The following PTCD2 variants were observed in gnomAD, a reference collection of about 807,000 sequenced individuals.
PTCD2 encodes pentatricopeptide repeat domain 2, also known as pentatricopeptide repeat-containing protein 2, mitochondrial.
In PTCD2, 31 loss-of-function variants were observed where a neutral mutation model predicts 42.6. That is an observed-to-expected ratio of 0.73 (90% CI 0.55 to 0.98). The LOEUF (loss-of-function observed/expected upper bound fraction) is 0.98, where lower values mean the gene tolerates loss of function less well. Ranked by LOEUF, PTCD2 falls within the 50% of genes least tolerant of loss-of-function variation. The pLI is 0.00. For synonymous variants in PTCD2, 183 were observed against 170.9 expected, an observed-to-expected ratio of 1.07 and a Z score of -0.55; for missense variants, 476 against 454.8, an observed-to-expected ratio of 1.05 and a Z score of -0.42.
intron 2 of PTCD2, among the ~76,000 whole-genome samples, chr5:72,324,467 C>G (rs1037840676): frequency 1.3e-5 from 2 of 152,190 alleles, no homozygotes; most frequent in Non-Finnish European, 2.9e-5. Flanking sequence ...ACCTGTCATT[C>G]CCAGTTCTGT....
rs919287075 is a variant in PTCD2 at position 72,364,353 on chromosome 5, A to G, written c.*5926A>G. On this transcript the variant is annotated 3_prime_UTR_variant, in exon 10 of 10. Coordinates refer to ENST00000380639, the MANE Select transcript of PTCD2 (RefSeq NM_024754.5). ...TGCAGTTGGGATAAGTGCTAAGTCTAGGGTAATCTTCATATCACCCTGTGG... is the reference window on the plus strand; with the variant it reads ...TGCAGTTGGGATAAGTGCTAAGTCTGGGGTAATCTTCATATCACCCTGTGG... 1.3e-5 allele frequency: 2 copies of G among 152,230 alleles called. No individual in the cohort carries two copies. The highest frequency in any genetic ancestry group is 4.8e-5 in the African/African-American group (2 of 41,464). The allele number at this position is 152,230 out of a possible 1,614,324, so 9.4% of individuals were successfully genotyped here. A position where few individuals can be genotyped will look rare whatever the true frequency, so the allele number is the denominator to read the frequency against.
Position 72,335,877 on chromosome 5 carries a change from T to C in PTCD2, c.631T>C (p.Tyr211His), listed in dbSNP as rs745766255. 6.2e-7 allele frequency: 1 copy of C among 1,603,954 alleles called. No homozygotes were observed. The highest frequency in any genetic ancestry group is 1.1e-5 in the South Asian group (1 of 90,800). The change falls in exon 6 of 10, where the codon TAC becomes CAC. Residue 211 changes from tyrosine (Y) to histidine (H), a missense_variant. Coordinates refer to ENST00000380639, the MANE Select transcript of PTCD2 (RefSeq NM_024754.5). ...CTATGTTCTTGCTTTTGCAATTTGC[T>C]ACAAACTGGTAAGACTCTTTCCTCT... ...DTYVLAFAIC[Y>H]KLNSPESFKI... is the part of the protein sequence containing the mutation.
chr5:72,340,840 C>G (rs1469894494), intron 7 of PTCD2, among the ~76,000 whole-genome samples: 2 of 151,720 alleles, frequency 1.3e-5, no homozygotes, highest in African/African-American at 4.8e-5. Flanking sequence ...AGAAATCTAA[C>G]GCCTGCCTGA....
intron 7 of PTCD2, among the ~76,000 whole-genome samples, 176 bp from the exon 8 acceptor site, chr5:72,342,786 C>T (rs1487350350): frequency 6.6e-6 from 1 of 152,136 alleles, no homozygotes; most frequent in Non-Finnish European, 1.5e-5. Context: ...CAACAATATG[C>T]GACTGGATGG....
At chr5:72,342,453 G>A (rs537812496) in intron 7 of PTCD2, among the ~76,000 whole-genome samples, 23 of 152,284 alleles carry the variant, frequency 1.5e-4, no homozygotes, top group Middle Eastern at 6.8e-3. Flanking sequence ...ATTGTAAATA[G>A]GAATTTAGGT....
intron 3 of PTCD2, among the ~76,000 whole-genome samples, chr5:72,330,760 C>T (rs1751399551): frequency 6.6e-6 from 1 of 152,190 alleles, no homozygotes; most frequent in South Asian, 2.1e-4. Context: ...GTGTACCTTT[C>T]TCAAGCTTAG....
intron 9 of PTCD2, among the ~76,000 whole-genome samples, chr5:72,356,310 A>G (rs1352603495): frequency 1.3e-5 from 2 of 152,220 alleles, no homozygotes; most frequent in Admixed American, 1.3e-4. Flanking sequence ...TATATTGAAA[A>G]ATACTCATAT....
chr5:72,333,267 G>T (rs1349740151), intron 4 of PTCD2, among the ~76,000 whole-genome samples: 1 of 152,120 alleles, frequency 6.6e-6, no homozygotes, highest in African/African-American at 2.4e-5. Context: ...TATCCTTGAG[G>T]CTCCCTCCTT....
At chr5:72,342,429 G>A (rs1463275748) in intron 7 of PTCD2, among the ~76,000 whole-genome samples, 1 of 152,134 alleles carries the variant, frequency 6.6e-6, no homozygotes, top group Non-Finnish European at 1.5e-5. Context: ...CTAGTCCTGC[G>A]CTCTGTTCTC....
chr5:72,360,075 TC>T lies in PTCD2; in HGVS notation c.*1650del, dbSNP rs1753057412. 6.6e-6 allele frequency: 1 copy of T among 152,116 alleles called. No homozygotes were observed. Among genetic ancestry groups the T allele is most frequent in the African/African-American group, 2.4e-5 (1 of 41,426 alleles). The allele number at this position is 152,116 out of a possible 1,614,324, so 9.4% of individuals were successfully genotyped here. On this transcript the variant is annotated 3_prime_UTR_variant, in exon 10 of 10. Transcript: ENST00000380639. ...GGAATTATAAAAACAAATGAGTTCT[TC>T]CTTCTGCTCAAAAATATTGAATTTC...
chr5:72,350,843 G>C (rs1752587383), intron 8 of PTCD2, among the ~76,000 whole-genome samples: 1 of 152,134 alleles, frequency 6.6e-6, no homozygotes, highest in Admixed American at 6.5e-5. Flanking sequence ...ATCTTTGTAA[G>C]GATCAAGAGC....
intron 2 of PTCD2, 53 bp downstream of exon 2, chr5:72,322,317 CTG>C (rs1750906237): frequency 2.7e-6 from 3 of 1,098,516 alleles, no homozygotes; most frequent in Middle Eastern, 4.0e-4. Context: ...TTAAGTTTCT[CTG>C]TCTTTATCCC....
intron 2 of PTCD2, among the ~76,000 whole-genome samples, chr5:72,323,885 A>T (rs1054328636): frequency 1.3e-5 from 2 of 152,132 alleles, no homozygotes; most frequent in Non-Finnish European, 2.9e-5. Context: ...GGCTCAAGCT[A>T]GTATCCCGCC....
rs1262540740 is a variant in PTCD2 at position 72,363,943 on chromosome 5, C to A, written c.*5516C>A. ...AAATTACACTTCATAGATAAACTAG[C>A]CATAAAAAAGATTACAGCGGCAAAA... On this transcript the variant is annotated 3_prime_UTR_variant, in exon 10 of 10. Coordinates refer to ENST00000380639, the MANE Select transcript of PTCD2 (RefSeq NM_024754.5). 1.3e-5 allele frequency: 2 copies of A among 151,990 alleles called. No homozygotes were observed. Among genetic ancestry groups the A allele is most frequent in the Non-Finnish European group, 2.9e-5 (2 of 68,014 alleles). 9.4% of individuals were successfully genotyped at this position (151,990 alleles called of 1,614,324 possible).
chr5:72,354,470 T>G (rs934438731), intron 9 of PTCD2, among the ~76,000 whole-genome samples: 1 of 149,914 alleles, frequency 6.7e-6, no homozygotes, highest in African/African-American at 2.5e-5. Context: ...GTAAGAGATG[T>G]GGACAGAATT....
At chr5:72,341,362 A>G (rs1400600895) in intron 7 of PTCD2, among the ~76,000 whole-genome samples, 1 of 151,846 alleles carries the variant, frequency 6.6e-6, no homozygotes, top group Non-Finnish European at 1.5e-5. Context: ...ATTTTGTTCT[A>G]CTGTGTTCCT....
In PTCD2 at chr5:72,354,042, CAA is replaced by C. The variant is rs563151084; in HGVS notation, c.942+1290_942+1291del. 1.9e-4 allele frequency among the ~76,000 whole-genome samples: 29 copies of C among 152,014 alleles called. No homozygotes were observed. The South Asian group carries it at 5.8e-3, about 31-fold the overall frequency. ...TTTCATGTGGCAAAAAGTCTACAAG[CAA>C]AGTCAAGAGGTAAGTAATCAATTTT... On this transcript the variant is annotated intron_variant, in intron 9 of 9. Transcript: ENST00000380639.
At chr5:72,340,969 GT>G (rs11297261) in intron 7 of PTCD2, among the ~76,000 whole-genome samples, 77,449 of 126,894 alleles carry the variant, frequency 0.61, 23,032 homozygotes, top group African/African-American at 0.8. Flanking sequence ...TTTCTTTTCT[GT>G]TTTTTTTTTT....
At chr5:72,320,675 G>A (rs896448506) in intron 1 of PTCD2, 166 bp downstream of exon 1, 35 of 861,910 alleles carry the variant, frequency 4.1e-5, no homozygotes, top group Non-Finnish European at 5.4e-5. Context: ...GACCACTGGG[G>A]GTCGTGGATA....
Sources: gnomAD v4.1 joint callset for allele counts (sites outside exome capture counted in the v4.1 genomes callset) on GRCh38, gnomAD v4.1.1 for gene constraint, MANE v1.5 for transcripts, NCBI Gene and HGNC (gene_info 2026-07-23, HGNC 2026-07-21) for gene names.